Variants in HECW2 observed in about 807,000 individuals in gnomAD.
HECW2 encodes the protein HECT, C2 and WW domain containing E3 ubiquitin protein ligase 2, also known as E3 ubiquitin-protein ligase HECW2.
Under a neutral mutation model 175.2 loss-of-function variants are expected in HECW2, and 61 were observed. The ratio of observed to expected loss-of-function variants is 0.35; its 90% CI spans 0.28 to 0.43. The LOEUF is 0.43. HECW2 is among the 20% of genes least tolerant of loss of function. The pLI, the probability that HECW2 is intolerant of heterozygous loss-of-function variation, is 1.00. For synonymous variants in HECW2, 671 were observed against 731.0 expected (o/e 0.92, Z 1.32); for missense variants, 1,524 against 2,000.5 (o/e 0.76, Z 4.54).
At chr2:196,479,541 C>T (rs981976925) in intron 1 of HECW2, among the ~76,000 whole-genome samples, 3 of 152,168 alleles carry the variant, frequency 2.0e-5, no homozygotes, top group Admixed American at 2.0e-4. Flanking sequence ...CCCAGGCTGC[C>T]TCTAATTGTG....
chr2:196,228,506 G>A (rs1407067587), intron 21 of HECW2, among the ~76,000 whole-genome samples: 1 of 152,148 alleles, frequency 6.6e-6, no homozygotes, highest in African/African-American at 2.4e-5. Context: ...CATACAATAG[G>A]CAACATTCTA....
intron 1 of HECW2, among the ~76,000 whole-genome samples, chr2:196,522,392 G>A (rs1443414387): frequency 6.6e-6 from 1 of 152,168 alleles, no homozygotes; most frequent in African/African-American, 2.4e-5. Flanking sequence ...TTTGTCAGAT[G>A]AGTAGGTTGC....
At chr2:196,348,340 C>T (rs1319579843) in intron 2 of HECW2, among the ~76,000 whole-genome samples, 4 of 151,912 alleles carry the variant, frequency 2.6e-5, no homozygotes, top group Non-Finnish European at 5.9e-5. Context: ...TGCCCCCAAC[C>T]CAAAGTAAGA....
chr2:196,352,565 T>C (rs1376123167), intron 2 of HECW2, among the ~76,000 whole-genome samples: 1 of 147,710 alleles, frequency 6.8e-6, no homozygotes, highest in African/African-American at 2.6e-5. Context: ...TATTGCTGTA[T>C]CCTCTATAGC....
At chr2:196,484,922 G>A (rs756623338) in intron 1 of HECW2, among the ~76,000 whole-genome samples, 1 of 152,224 alleles carries the variant, frequency 6.6e-6, no homozygotes, top group Non-Finnish European at 1.5e-5. Context: ...TGTACTTTGG[G>A]TAGGTAGCAA....
chr2:196,376,636 A>AAAG (rs953771640), intron 2 of HECW2, among the ~76,000 whole-genome samples: 4 of 11,406 alleles, frequency 3.5e-4, no homozygotes, highest in African/African-American at 4.6e-4. Context: ...ACTCTGTCAT[A>AAAG]AAAAAAAAAA....
chr2:196,219,453 T>C (rs1427844532), intron 26 of HECW2, among the ~76,000 whole-genome samples: 1 of 152,238 alleles, frequency 6.6e-6, no homozygotes, highest in East Asian at 1.9e-4. Context: ...CTTTTTTAGC[T>C]TCCCATTTTG....
chr2:196,254,113 T>C, intron 18 of HECW2, 84 bp from the exon 19 acceptor site: 3 of 1,545,926 alleles, frequency 1.9e-6, no homozygotes, highest in Non-Finnish European at 2.6e-6. Flanking sequence ...GAATATTCCA[T>C]CCAAGATCCG....
chr2:196,493,496 G>A (rs1205674153), intron 1 of HECW2: 1 of 152,158 alleles, frequency 6.6e-6, no homozygotes, highest in African/African-American at 2.4e-5. Flanking sequence ...CAGTGTATTA[G>A]ATATTATCCA....
Position 196,242,093 on chromosome 2 carries a change from C to G in HECW2, c.3641G>C (p.Gly1214Ala). 1 of 1,614,064 alleles carries G rather than the reference C, an allele frequency of 6.2e-7. No individual in the cohort carries two copies. The highest frequency in any genetic ancestry group is 8.5e-7 in the Non-Finnish European group (1 of 1,179,952). ...TGTCACTTTGACTTACTTTAACTTC[C>G]CTGGGCCTTGTCCATATCCTTTAGT... ...LETKGYGQGP[G>A]KLKLIIRRDH... The change falls in exon 20 of 29, where the codon GGG becomes GCG. Residue 1214 changes from glycine (G) to alanine (A), a missense_variant. Gly to Ala is a moderately conservative substitution (Grantham distance 60). Coordinates refer to ENST00000644978, the MANE Select transcript of HECW2 (RefSeq NM_001348768.2).
intron 21 of HECW2, among the ~76,000 whole-genome samples, chr2:196,232,850 T>C (rs1165084487): frequency 6.6e-6 from 1 of 152,200 alleles, no homozygotes; most frequent in Middle Eastern, 3.2e-3. Flanking sequence ...AACAGTTAGT[T>C]CCTCTAGGAG....
intron 10 of HECW2, among the ~76,000 whole-genome samples, chr2:196,314,759 T>G (rs1691626353): frequency 6.6e-6 from 1 of 152,186 alleles, no homozygotes; most frequent in Non-Finnish European, 1.5e-5. Context: ...CTAACAGTGT[T>G]AAAAATCACA....
chr2:196,244,803 A>C (rs1202010733), intron 19 of HECW2, among the ~76,000 whole-genome samples: 1 of 152,184 alleles, frequency 6.6e-6, no homozygotes, highest in Non-Finnish European at 1.5e-5. Context: ...CCTAGAGTGG[A>C]GGAGGAGTGC....
At chr2:196,585,424 C>A (rs1380641907) in intron 1 of HECW2, among the ~76,000 whole-genome samples, 1 of 152,040 alleles carries the variant, frequency 6.6e-6, no homozygotes, top group East Asian at 1.9e-4. Flanking sequence ...TATTAAAAGT[C>A]CAAAGAGGGG....
intron 21 of HECW2, among the ~76,000 whole-genome samples, chr2:196,235,648 CTTTTTTTTT>C (rs757874073): frequency 0.14 from 11,335 of 79,188 alleles, 570 homozygotes; most frequent in Middle Eastern, 0.33. Context: ...ATGCATTATT[CTTTTTTTTT>C]TTTTTTTTTT....
chr2:196,257,970 A>G lies in HECW2; in HGVS notation c.3336-64T>C, dbSNP rs13395964. 9,189 of 1,174,870 alleles carry G rather than the reference A, an allele frequency of 7.8e-3. 176 individuals are homozygous for G. The highest frequency in any genetic ancestry group is 0.069 in the African/African-American group (4,558 of 65,758). 72.8% of individuals were successfully genotyped at this position (1,174,870 alleles called of 1,614,324 possible). Reference sequence around the variant, plus strand: ...GACCTTTAGGCTATAACTCAGTAGTAAAGAGCATTTTTTATAATAGTCATG... The same window carrying G: ...GACCTTTAGGCTATAACTCAGTAGTGAAGAGCATTTTTTATAATAGTCATG... On this transcript the variant is annotated intron_variant, in intron 17 of 28. Coordinates refer to ENST00000644978, the MANE Select transcript of HECW2 (RefSeq NM_001348768.2).
At chr2:196,395,981 T>C (rs1339570361) in intron 2 of HECW2, among the ~76,000 whole-genome samples, 2 of 152,140 alleles carry the variant, frequency 1.3e-5, no homozygotes, top group African/African-American at 4.8e-5. Flanking sequence ...GCAAACTGAG[T>C]GTCCATTGAA....
intron 15 of HECW2, among the ~76,000 whole-genome samples, chr2:196,275,370 A>G (rs1464870665): frequency 1.3e-5 from 2 of 152,238 alleles, no homozygotes; most frequent in Non-Finnish European, 2.9e-5. Flanking sequence ...TTTCCCAACT[A>G]TTAAAAAAGA....
chr2:196,337,575 ATAT>A (rs1279695366), intron 3 of HECW2, among the ~76,000 whole-genome samples: 35 of 113,266 alleles, frequency 3.1e-4, no homozygotes, highest in African/African-American at 8.2e-4. Context: ...AAATAAAAAA[ATAT>A]ATATATATAA....
Sources: gnomAD v4.1 joint callset for allele counts (sites outside exome capture counted in the v4.1 genomes callset) on GRCh38, gnomAD v4.1.1 for gene constraint, MANE v1.5 for transcripts, NCBI Gene and HGNC (gene_info 2026-07-23, HGNC 2026-07-21) for gene names.